The following LHFPL6 variants were observed in gnomAD, a reference collection of about 807,000 sequenced individuals.
LHFPL6 encodes the protein LHFPL tetraspan subfamily member 6 protein.
LHFPL6 carries 9 observed loss-of-function variants against 20.6 expected under a neutral mutation model. The observed-to-expected ratio is 0.44, with a 90% CI of 0.26 to 0.76. LHFPL6 has a LOEUF of 0.76. LHFPL6 is among the 30% of genes least tolerant of loss of function. LHFPL6 has a pLI of 0.20. For synonymous variants in LHFPL6, 105 were observed against 98.7 expected (o/e 1.06, Z -0.38); for missense variants, 218 against 253.5 (o/e 0.86, Z 0.95).
At chr13:39,356,210 T>C (rs772655929) in intron 3 of LHFPL6, among the ~76,000 whole-genome samples, 28 of 152,204 alleles carry the variant, frequency 1.8e-4, no homozygotes, top group Non-Finnish European at 3.5e-4. Flanking sequence ...TAGAAATTGA[T>C]ACCATGAAGA....
At chr13:39,384,863 C>T (rs7990626) in intron 2 of LHFPL6, among the ~76,000 whole-genome samples, 136,574 of 152,188 alleles carry the variant, frequency 0.9, 61,377 homozygotes, top group East Asian at 0.96. Flanking sequence ...ATAAAAAAGG[C>T]GTCAGTTTCA....
At chr13:39,533,893 G>A (rs1237198617) in intron 2 of LHFPL6, among the ~76,000 whole-genome samples, 1 of 152,154 alleles carries the variant, frequency 6.6e-6, no homozygotes, top group Non-Finnish European at 1.5e-5. Flanking sequence ...TGGGTGGGGG[G>A]TGACAGTCAT....
intron 3 of LHFPL6, among the ~76,000 whole-genome samples, chr13:39,376,539 G>A (rs1870298871): frequency 6.6e-6 from 1 of 152,116 alleles, no homozygotes; most frequent in African/African-American, 2.4e-5. Flanking sequence ...AAGTAGAGTG[G>A]TTGTCACCCA....
At chr13:39,516,708 T>C (rs1304951915) in intron 2 of LHFPL6, among the ~76,000 whole-genome samples, 3 of 152,238 alleles carry the variant, frequency 2.0e-5, no homozygotes, top group African/African-American at 7.2e-5. Context: ...ACTTGGCCTC[T>C]GTACGCCTCA....
At chr13:39,496,459 C>G (rs895754254) in intron 2 of LHFPL6, among the ~76,000 whole-genome samples, 1 of 152,094 alleles carries the variant, frequency 6.6e-6, no homozygotes, top group Non-Finnish European at 1.5e-5. Flanking sequence ...ACCTTGAGAC[C>G]ATAAGACTAG....
chr13:39,445,523 T>A (rs867660185), intron 2 of LHFPL6, among the ~76,000 whole-genome samples: 1 of 152,212 alleles, frequency 6.6e-6, no homozygotes, highest in Admixed American at 6.5e-5. Flanking sequence ...CAGATTTCAA[T>A]AGACGTTTAG....
chr13:39,541,422 T>C (rs1317550141), intron 2 of LHFPL6, among the ~76,000 whole-genome samples: 1 of 152,188 alleles, frequency 6.6e-6, no homozygotes, highest in Non-Finnish European at 1.5e-5. Context: ...CTGTGCGACA[T>C]TATGTCATTG....
intron 2 of LHFPL6, among the ~76,000 whole-genome samples, chr13:39,592,435 C>T (rs995972013): frequency 2.0e-5 from 3 of 152,132 alleles, no homozygotes; most frequent in Non-Finnish European, 4.4e-5. Context: ...GAAGTTGAAT[C>T]CCTGAATAGA....
intron 2 of LHFPL6, among the ~76,000 whole-genome samples, chr13:39,452,595 A>G (rs1036128262): frequency 6.6e-6 from 1 of 152,186 alleles, no homozygotes; most frequent in Non-Finnish European, 1.5e-5. Context: ...GGGTGACAGG[A>G]GGACTTTGTG....
intron 2 of LHFPL6, among the ~76,000 whole-genome samples, chr13:39,381,364 C>T (rs1318447581): frequency 6.6e-6 from 1 of 152,146 alleles, no homozygotes; most frequent in Non-Finnish European, 1.5e-5. Context: ...GAACACTTGG[C>T]AGTCAGAGTC....
chr13:39,353,074 C>T (rs1869634581), intron 3 of LHFPL6, among the ~76,000 whole-genome samples: 1 of 148,904 alleles, frequency 6.7e-6, no homozygotes, highest in Non-Finnish European at 1.5e-5. Context: ...CTGCTTCCTC[C>T]CAGGTTCAAG....
intron 3 of LHFPL6, among the ~76,000 whole-genome samples, chr13:39,346,564 T>A (rs545961250): frequency 8.7e-4 from 133 of 152,202 alleles, no homozygotes; most frequent in Non-Finnish European, 1.6e-3. Context: ...CCTTAATAAG[T>A]AGCAAGTCCT....
intron 2 of LHFPL6, among the ~76,000 whole-genome samples, chr13:39,596,870 G>T (rs970677411): frequency 6.6e-6 from 1 of 152,120 alleles, no homozygotes; most frequent in Non-Finnish European, 1.5e-5. Flanking sequence ...CATATCATAT[G>T]ACAGGTCAGG....
At chr13:39,574,577 T>C (rs1872051045) in intron 2 of LHFPL6, among the ~76,000 whole-genome samples, 1 of 152,208 alleles carries the variant, frequency 6.6e-6, no homozygotes, top group African/African-American at 2.4e-5. Flanking sequence ...TATTCATTAA[T>C]TGATTATTCA....
intron 2 of LHFPL6, among the ~76,000 whole-genome samples, chr13:39,462,682 T>G (rs1872714341): frequency 6.6e-6 from 1 of 152,082 alleles, no homozygotes; most frequent in Non-Finnish European, 1.5e-5. Flanking sequence ...GTTTTACAGA[T>G]AAGAAAACAA....
At chr13:39,397,689 A>T (rs184701923) in intron 2 of LHFPL6, among the ~76,000 whole-genome samples, 1 of 152,282 alleles carries the variant, frequency 6.6e-6, no homozygotes, top group East Asian at 1.9e-4. Flanking sequence ...TCTGAAGCCA[A>T]TGTTTGTATT....
At chr13:39,567,748 G>C (rs1212830053) in intron 2 of LHFPL6, among the ~76,000 whole-genome samples, 1 of 152,162 alleles carries the variant, frequency 6.6e-6, no homozygotes, top group Non-Finnish European at 1.5e-5. Flanking sequence ...TATAGAGCAG[G>C]GATGGGCAAA....
At chr13:39,571,134 C>CACAT (rs1006513243) in intron 2 of LHFPL6, among the ~76,000 whole-genome samples, 1 of 152,086 alleles carries the variant, frequency 6.6e-6, no homozygotes, top group African/African-American at 2.4e-5. Context: ...TGTTTGTGAC[C>CACAT]ACATATTGAT....
intron 2 of LHFPL6, among the ~76,000 whole-genome samples, chr13:39,427,352 C>T (rs549381724): frequency 9.2e-5 from 14 of 152,292 alleles, no homozygotes; most frequent in African/African-American, 2.9e-4. Flanking sequence ...TGGCCTTGTT[C>T]CTGATCATTG....
Sources: gnomAD v4.1 joint callset for allele counts (sites outside exome capture counted in the v4.1 genomes callset) on GRCh38, gnomAD v4.1.1 for gene constraint, MANE v1.5 for transcripts, NCBI Gene and HGNC (gene_info 2026-07-23, HGNC 2026-07-21) for gene names.